Variants in UBAP2L observed in about 807,000 individuals in gnomAD.
UBAP2L encodes the protein ubiquitin-associated protein 2-like.
In UBAP2L, 12 loss-of-function variants were observed where a neutral mutation model predicts 130.6. That is an observed-to-expected ratio of 0.09 (90% confidence interval 0.06 to 0.15). The LOEUF (loss-of-function observed/expected upper bound fraction) is 0.15, where lower values mean the gene tolerates loss of function less well. Among genes scored for constraint, UBAP2L ranks in the 10% least tolerant of loss-of-function variants. The probability of loss-of-function intolerance (pLI) is 1.00; values close to 1 mark genes in which losing one functional copy is unlikely to be tolerated. For synonymous variants in UBAP2L, 503 were observed against 524.7 expected (o/e 0.96, Z 0.57); for missense variants, 965 against 1,332.5 (o/e 0.72, Z 4.29).
intron 1 of UBAP2L, among the ~76,000 whole-genome samples, chr1:154,222,097 A>G (rs564220888): frequency 1.3e-5 from 2 of 152,222 alleles, no homozygotes; most frequent in South Asian, 2.1e-4. Flanking sequence ...CGTTTTTGTT[A>G]TTATTGTTAA....
At chr1:154,237,799 C>A (rs544549608) in intron 8 of UBAP2L, among the ~76,000 whole-genome samples, 1 of 152,222 alleles carries the variant, frequency 6.6e-6, no homozygotes, top group South Asian at 2.1e-4. Flanking sequence ...TGTTAACTGA[C>A]TTTGGTGCCT....
At chr1:154,263,223 C>G in intron 24 of UBAP2L, 2 of 1,548,012 alleles carry the variant, frequency 1.3e-6, no homozygotes, top group Non-Finnish European at 1.7e-6. Flanking sequence ...TTTCAGAAAC[C>G]AGACCACTGA....
At position 154,270,270 on chromosome 1, in the gene UBAP2L, A is replaced by G. The variant is rs771443932; in HGVS notation, c.3239A>G (p.Asn1080Ser). The G allele has an allele frequency of 6.2e-7, 1 of 1,613,926 alleles. No homozygotes were observed. The highest frequency in any genetic ancestry group is 8.5e-7 in the Non-Finnish European group (1 of 1,179,928). ...CCCCAGACCAACAAGTCTGCCTACA[A>G]CAGCTACAGCTGGGGGGCCAACTGA... ...QKPQTNKSAY[N>S]SYSWGAN The change falls in exon 27 of 27, where the codon AAC becomes AGC. Residue 1080 changes from asparagine to serine, a missense_variant. By Grantham distance (46) the Asn-to-Ser change is conservative. Transcript: ENST00000428931.
At chr1:154,224,851 T>TA (rs1667429046) in intron 1 of UBAP2L, among the ~76,000 whole-genome samples, 1 of 152,186 alleles carries the variant, frequency 6.6e-6, no homozygotes, top group Non-Finnish European at 1.5e-5. Flanking sequence ...TGTAACTTCT[T>TA]AAAAAAATCC....
At chr1:154,254,157 T>A (rs1050913841) in intron 15 of UBAP2L, 68 bp downstream of exon 15, 4 of 1,367,862 alleles carry the variant, frequency 2.9e-6, no homozygotes, top group Admixed American at 2.9e-5. Flanking sequence ...TAAATATTAG[T>A]GTTTTACTTT....
intron 24 of UBAP2L, chr1:154,263,331 C>T (rs940781419): frequency 6.3e-6 from 9 of 1,424,426 alleles, no homozygotes; most frequent in African/African-American, 1.5e-5. Flanking sequence ...CCCCATTTCC[C>T]TCTCCCCCAT....
At chr1:154,239,245 C>CT (rs923960261) in intron 8 of UBAP2L, among the ~76,000 whole-genome samples, 34 of 146,902 alleles carry the variant, frequency 2.3e-4, no homozygotes, top group Middle Eastern at 3.4e-3. Flanking sequence ...CTTTTCTTTT[C>CT]TTTTTTTTTT....
At chr1:154,226,282 G>A (rs1172805282) in intron 2 of UBAP2L, among the ~76,000 whole-genome samples, 1 of 152,146 alleles carries the variant, frequency 6.6e-6, no homozygotes, top group Non-Finnish European at 1.5e-5. Context: ...AAAATTAAAT[G>A]AAACACCTTA....
At chr1:154,268,658 ATGCTGCTTTCT>A in intron 25 of UBAP2L, 88 bp from the exon 26 acceptor site, 2 of 1,196,098 alleles carry the variant, frequency 1.7e-6, no homozygotes, top group Admixed American at 3.6e-5. Flanking sequence ...CTGTGACACC[ATGCTGCTTTCT>A]GAGGGTCAGG....
At chr1:154,255,416 C>G in intron 17 of UBAP2L, 90 bp downstream of exon 17, 1 of 1,482,818 alleles carries the variant, frequency 6.7e-7, no homozygotes, top group Non-Finnish European at 9.1e-7. Flanking sequence ...TGGCAGAGAC[C>G]ACATTAGCCC....
Position 154,258,933 on chromosome 1 carries a change from A to G in UBAP2L, c.2443-44A>G, listed in dbSNP as rs374519282. ...TCTCTTGGCTCCTTGTTTTGCTAAC[A>G]TCATGACCAGTTCCTGTTATTGCTA... On this transcript the variant is annotated intron_variant, in intron 20 of 26. Coordinates refer to ENST00000428931, the MANE Select transcript of UBAP2L (RefSeq NM_014847.4). 3.0e-5 allele frequency: 47 copies of G among 1,571,184 alleles called. No homozygotes were observed. The African/African-American group carries it at 5.1e-4, about 17-fold the overall frequency.
intron 20 of UBAP2L, 36 bp downstream of exon 20, chr1:154,257,470 G>A (rs776137185): frequency 6.2e-7 from 1 of 1,608,224 alleles, no homozygotes; most frequent in African/African-American, 1.3e-5. Context: ...CAAAAGGTGA[G>A]GATGTTGTGG....
intron 5 of UBAP2L, 152 bp downstream of exon 5, chr1:154,234,911 G>T (rs1671103496): frequency 5.8e-6 from 6 of 1,040,170 alleles, no homozygotes; most frequent in Admixed American, 2.5e-5. Flanking sequence ...GACATCTCTT[G>T]CATGTGGCCT....
rs376096338 is a variant in UBAP2L, at chr1:154,237,152, TC to T, written c.703+17del. The T allele has an allele frequency of 1.5e-5, 24 of 1,596,920 alleles. No individual in the cohort carries two copies. The African/African-American group carries it at 3.1e-4, about 21-fold the overall frequency. On this transcript the variant is annotated intron_variant, in intron 8 of 26. Coordinates refer to ENST00000428931, the MANE Select transcript of UBAP2L (RefSeq NM_014847.4). ...GATGGGACGAGTGAGTGACCATTTA[TC>T]ATTCATTTCTTGTCTCTGGGAATCT...
chr1:154,221,527 G>A (rs1289832122), intron 1 of UBAP2L: 1 of 152,762 alleles, frequency 6.5e-6, no homozygotes, highest in Non-Finnish European at 1.5e-5. Flanking sequence ...AGGGCGATGG[G>A]GTGGAGCTCC....
intron 4 of UBAP2L, among the ~76,000 whole-genome samples, chr1:154,231,527 C>T (rs917313627): frequency 5.3e-5 from 8 of 152,068 alleles, no homozygotes; most frequent in Non-Finnish European, 1.2e-4. Context: ...TCTCTAACTC[C>T]TGGCCTCAAG....
Position 154,267,606 on chromosome 1 carries a change from C to A in UBAP2L, c.2970+1038C>A, listed in dbSNP as rs796730071. On this transcript the variant is annotated intron_variant, in intron 25 of 26. Transcript: ENST00000428931. ...GAGTAGCTGGGGCTATAGGTGTACA[C>A]CACCAGGCCTGCCTAATTTTTGTAT... Among the ~76,000 whole-genome samples, 5 of 151,372 alleles carry A rather than the reference C, an allele frequency of 3.3e-5. 1 individual carries two copies. Among genetic ancestry groups the A allele is most frequent in the African/African-American group, 1.2e-4 (5 of 41,154 alleles).
chr1:154,227,824 AGGTGT>A (rs1423651252), intron 3 of UBAP2L, among the ~76,000 whole-genome samples: 1 of 152,156 alleles, frequency 6.6e-6, no homozygotes, highest in African/African-American at 2.4e-5. Context: ...CTGGGATTAC[AGGTGT>A]GAGCCACTGC....
At chr1:154,263,168 G>C in intron 24 of UBAP2L, 3 of 1,551,856 alleles carry the variant, frequency 1.9e-6, no homozygotes, top group Non-Finnish European at 1.7e-6. Flanking sequence ...CCCAAGGCTG[G>C]GGGCTGTGTT....
Sources: allele counts gnomAD v4.1 joint callset (sites outside exome capture counted in the v4.1 genomes callset), GRCh38; gene constraint gnomAD v4.1.1; transcripts MANE v1.5; gene names NCBI Gene and HGNC (gene_info 2026-07-23, HGNC 2026-07-21).